The following CDH8 variants were observed in gnomAD, a reference collection of about 807,000 sequenced individuals.
CDH8 encodes the protein cadherin 8, also known as cadherin-8.
In CDH8, 17 loss-of-function variants were observed where a neutral mutation model predicts 68.1. The ratio of observed to expected loss-of-function variants is 0.25; its 90% CI spans 0.17 to 0.37. The LOEUF (loss-of-function observed/expected upper bound fraction) is 0.37, where lower values mean the gene tolerates loss of function less well. Ranked by LOEUF, CDH8 falls within the 10% of genes least tolerant of loss-of-function variation. The pLI, the probability that CDH8 is intolerant of heterozygous loss-of-function variation, is 1.00. For synonymous variants in CDH8, 372 were observed against 365.1 expected (o/e 1.02, Z -0.21); for missense variants, 763 against 999.3 (o/e 0.76, Z 3.19).
intron 1 of CDH8, chr16:62,035,001 A>T (rs528349900): frequency 6.6e-6 from 1 of 152,372 alleles, no homozygotes; most frequent in African/African-American, 2.4e-5. Flanking sequence ...GTCAACCGCA[A>T]GGAAACTTTG....
intron 7 of CDH8, among the ~76,000 whole-genome samples, chr16:61,811,726 A>G (rs1345727746): frequency 6.6e-6 from 1 of 152,206 alleles, no homozygotes; most frequent in Non-Finnish European, 1.5e-5. Context: ...CTTTAAAAAC[A>G]AGGAGATCCT....
chr16:61,768,381 T>TCC (rs1960679694), intron 8 of CDH8, among the ~76,000 whole-genome samples: 9 of 104,062 alleles, frequency 8.6e-5, no homozygotes, highest in Non-Finnish European at 1.2e-4. Context: ...TTTCTCTCTC[T>TCC]CTCTCTCTCT....
chr16:61,928,070 T>A (rs957439993), intron 2 of CDH8, among the ~76,000 whole-genome samples: 27 of 152,230 alleles, frequency 1.8e-4, no homozygotes, highest in Non-Finnish European at 1.5e-4. Flanking sequence ...TTAAAAGTCC[T>A]ATGAAATACC....
chr16:61,727,523 A>G (rs1959411393), intron 8 of CDH8, among the ~76,000 whole-genome samples: 1 of 151,092 alleles, frequency 6.6e-6, no homozygotes, highest in Admixed American at 6.6e-5. Context: ...CAATTCTTTA[A>G]AAGAAAAATG....
chr16:61,727,051 TGTATACAAACA>T, intron 9 of CDH8, 32 bp downstream of exon 9: 1 of 1,602,146 alleles, frequency 6.2e-7, no homozygotes, highest in Non-Finnish European at 8.5e-7. Context: ...ATGAGACAGT[TGTATACAAACA>T]TATTCAGCAT....
At chr16:61,948,307 A>C (rs1203300032) in intron 2 of CDH8, among the ~76,000 whole-genome samples, 2 of 152,198 alleles carry the variant, frequency 1.3e-5, no homozygotes, top group Non-Finnish European at 2.9e-5. Flanking sequence ...ATTTTAAAAA[A>C]TATATCATGA....
chr16:61,791,031 G>C (rs1172969687), intron 7 of CDH8, among the ~76,000 whole-genome samples: 1 of 151,374 alleles, frequency 6.6e-6, no homozygotes, highest in Admixed American at 6.6e-5. Flanking sequence ...AAAATATTTG[G>C]AATAATAGTT....
chr16:61,720,348 T>G (rs1959208064), intron 9 of CDH8, among the ~76,000 whole-genome samples: 1 of 151,052 alleles, frequency 6.6e-6, no homozygotes, highest in African/African-American at 2.4e-5. Flanking sequence ...TCATGGCTTT[T>G]ATGAACAAAT....
intron 2 of CDH8, among the ~76,000 whole-genome samples, chr16:61,927,668 C>T (rs887857468): frequency 3.3e-5 from 5 of 152,218 alleles, no homozygotes; most frequent in African/African-American, 1.2e-4. Context: ...GGTGGCACCC[C>T]GTCAGGCACC....
chr16:61,957,599 T>C (rs1467231608), intron 2 of CDH8, among the ~76,000 whole-genome samples: 1 of 152,240 alleles, frequency 6.6e-6, no homozygotes, highest in African/African-American at 2.4e-5. Context: ...TATAGATATA[T>C]GAACACAAAC....
chr16:61,909,447 C>T (rs1176498114), intron 2 of CDH8, among the ~76,000 whole-genome samples: 2 of 152,178 alleles, frequency 1.3e-5, no homozygotes, highest in Admixed American at 1.3e-4. Context: ...TCATTAAAGA[C>T]TAACTTTTTG....
At chr16:61,912,389 G>A (rs1367215913) in intron 2 of CDH8, among the ~76,000 whole-genome samples, 1 of 151,984 alleles carries the variant, frequency 6.6e-6, no homozygotes, top group African/African-American at 2.4e-5. Flanking sequence ...TAAAGCTTTG[G>A]AAGAATGCAG....
At chr16:61,788,942 G>C (rs1012260421) in intron 8 of CDH8, among the ~76,000 whole-genome samples, 1 of 151,970 alleles carries the variant, frequency 6.6e-6, no homozygotes, top group Non-Finnish European at 1.5e-5. Flanking sequence ...ATGTATGTAT[G>C]CATGTGTATG....
chr16:61,681,200 T>G (rs1057107535), intron 10 of CDH8, among the ~76,000 whole-genome samples: 2 of 151,888 alleles, frequency 1.3e-5, no homozygotes, highest in Non-Finnish European at 2.9e-5. Context: ...AATGAAAATA[T>G]GTCCACATAA....
At chr16:61,844,974 T>G (rs961778997) in intron 4 of CDH8, among the ~76,000 whole-genome samples, 3 of 152,172 alleles carry the variant, frequency 2.0e-5, no homozygotes, top group African/African-American at 7.2e-5. Context: ...CTCAAATGAA[T>G]TGACTAAAGT....
At chr16:61,986,802 T>A (rs755705178) in intron 2 of CDH8, among the ~76,000 whole-genome samples, 10 of 152,176 alleles carry the variant, frequency 6.6e-5, no homozygotes, top group Non-Finnish European at 1.3e-4. Context: ...TCCTTTTGCC[T>A]GGGGAGACCA....
intron 7 of CDH8, among the ~76,000 whole-genome samples, chr16:61,811,127 G>A (rs1961938423): frequency 6.6e-6 from 1 of 151,878 alleles, no homozygotes. Context: ...CACAAAGACA[G>A]ATATTGTGCC....
At chr16:61,784,258 G>T (rs924171174) in intron 8 of CDH8, among the ~76,000 whole-genome samples, 1 of 151,106 alleles carries the variant, frequency 6.6e-6, no homozygotes, top group African/African-American at 2.4e-5. Context: ...CAAGCAAATG[G>T]AAAACAAAAA....
At chr16:61,807,327 T>TG (rs1961812228) in intron 7 of CDH8, among the ~76,000 whole-genome samples, 1 of 61,510 alleles carries the variant, frequency 1.6e-5, no homozygotes, top group South Asian at 7.0e-4. Context: ...TGTGGTGGGG[T>TG]GGGGGGAGGG....
Sources: allele counts gnomAD v4.1 joint callset (sites outside exome capture counted in the v4.1 genomes callset), GRCh38; gene constraint gnomAD v4.1.1; transcripts MANE v1.5; gene names NCBI Gene and HGNC (gene_info 2026-07-23, HGNC 2026-07-21).